Variants in HS3ST4 observed in about 807,000 individuals in gnomAD.
HS3ST4 encodes heparan sulfate-glucosamine 3-sulfotransferase 4.
In HS3ST4, 17 loss-of-function variants were observed where a neutral mutation model predicts 29.2. That is an observed-to-expected ratio of 0.58 (90% CI 0.40 to 0.87). HS3ST4 has a LOEUF of 0.87. Among genes scored for constraint, HS3ST4 ranks in the 40% least tolerant of loss-of-function variants. The probability of loss-of-function intolerance (pLI) is 0.00; values close to 1 mark genes in which losing one functional copy is unlikely to be tolerated. For missense variants in HS3ST4, 627 were observed against 634.5 expected, an observed-to-expected ratio of 0.99 and a Z score of 0.13; for synonymous variants, 314 against 285.7, an observed-to-expected ratio of 1.10 and a Z score of -1.00.
At chr16:25,798,152 C>G (rs944741740) in intron 1 of HS3ST4, among the ~76,000 whole-genome samples, 3 of 152,184 alleles carry the variant, frequency 2.0e-5, no homozygotes, top group Admixed American at 6.5e-5. Context: ...AAGATGCACT[C>G]AGGCCAACTT....
intron 1 of HS3ST4, among the ~76,000 whole-genome samples, chr16:25,924,299 T>G (rs1968382624): frequency 6.6e-6 from 1 of 152,332 alleles, no homozygotes; most frequent in South Asian, 2.1e-4. Context: ...GAATATCTAC[T>G]GATACCACTC....
chr16:25,883,142 A>AGG, intron 1 of HS3ST4, among the ~76,000 whole-genome samples: 1 of 86,656 alleles, frequency 1.2e-5, no homozygotes. Context: ...TCTGGCCCAT[A>AGG]CGATTTTTTT....
chr16:25,717,966 T>C (rs1415716353), intron 1 of HS3ST4, among the ~76,000 whole-genome samples: 2 of 151,998 alleles, frequency 1.3e-5, no homozygotes, highest in Non-Finnish European at 2.9e-5. Flanking sequence ...CTTTGAATGA[T>C]ATTTGGGAGG....
chr16:25,804,145 A>G (rs1040593873), intron 1 of HS3ST4, among the ~76,000 whole-genome samples: 1 of 152,200 alleles, frequency 6.6e-6, no homozygotes, highest in Admixed American at 6.5e-5. Flanking sequence ...AGACGTGAGA[A>G]TTCGATGTGA....
intron 1 of HS3ST4, among the ~76,000 whole-genome samples, chr16:25,876,698 G>A (rs1967836690): frequency 6.6e-6 from 1 of 152,056 alleles, no homozygotes; most frequent in Admixed American, 6.5e-5. Context: ...GTCTCGTAAA[G>A]GAAATTTTTT....
chr16:25,917,405 G>T (rs541837469), intron 1 of HS3ST4, among the ~76,000 whole-genome samples: 1 of 152,194 alleles, frequency 6.6e-6, no homozygotes, highest in East Asian at 1.9e-4. Flanking sequence ...TAGAGATGGG[G>T]TTTCACAACA....
At chr16:25,943,132 A>C (rs535953095) in intron 1 of HS3ST4, among the ~76,000 whole-genome samples, 20 of 152,296 alleles carry the variant, frequency 1.3e-4, no homozygotes, top group African/African-American at 4.3e-4. Context: ...TTATTTTATT[A>C]TTTTATTTTT....
chr16:25,863,122 T>G (rs1340731461), intron 1 of HS3ST4, among the ~76,000 whole-genome samples: 1 of 152,220 alleles, frequency 6.6e-6, no homozygotes, highest in Non-Finnish European at 1.5e-5. Flanking sequence ...TCTAATTGAT[T>G]TGCATATCTT....
chr16:25,833,869 G>C (rs752905128), intron 1 of HS3ST4, among the ~76,000 whole-genome samples: 1 of 152,166 alleles, frequency 6.6e-6, no homozygotes, highest in African/African-American at 2.4e-5. Context: ...GACCTGAATC[G>C]TTTCCATCCC....
intron 1 of HS3ST4, among the ~76,000 whole-genome samples, chr16:25,864,970 A>ATACTCACAC (rs528081199): frequency 0.064 from 9,316 of 145,922 alleles, 447 homozygotes; most frequent in Non-Finnish European, 0.092. Context: ...ATATACACAC[A>ATACTCACAC]TACTCACACA....
chr16:25,783,269 C>T (rs1966854310), intron 1 of HS3ST4, among the ~76,000 whole-genome samples: 1 of 152,172 alleles, frequency 6.6e-6, no homozygotes. Context: ...TGGGACTCCT[C>T]CTCCAAGCCT....
At chr16:25,788,432 CATTACA>C (rs1364814732) in intron 1 of HS3ST4, among the ~76,000 whole-genome samples, 92 of 146,018 alleles carry the variant, frequency 6.3e-4, no homozygotes, top group Non-Finnish European at 1.3e-3. Context: ...AAAAAAATGC[CATTACA>C]ATTCAGTAAG....
intron 1 of HS3ST4, among the ~76,000 whole-genome samples, chr16:26,041,832 C>G (rs185385204): frequency 1.3e-5 from 2 of 152,158 alleles, no homozygotes; most frequent in Non-Finnish European, 2.9e-5. Context: ...TAGGACTGTC[C>G]CAGTCAAACC....
At chr16:25,740,597 T>C (rs979148572) in intron 1 of HS3ST4, among the ~76,000 whole-genome samples, 1 of 152,202 alleles carries the variant, frequency 6.6e-6, no homozygotes, top group Non-Finnish European at 1.5e-5. Flanking sequence ...ATTTAGATTT[T>C]GTGGTGGCTA....
At chr16:26,094,197 A>G (rs966588819) in intron 1 of HS3ST4, among the ~76,000 whole-genome samples, 3 of 152,202 alleles carry the variant, frequency 2.0e-5, no homozygotes, top group African/African-American at 7.2e-5. Context: ...TCTTCAGGAT[A>G]TTATCCAGGA....
intron 1 of HS3ST4, among the ~76,000 whole-genome samples, chr16:25,934,871 G>A (rs12933030): frequency 1.5e-4 from 23 of 151,990 alleles, no homozygotes; most frequent in African/African-American, 3.6e-4. Context: ...CCCTGCCCCC[G>A]CAACCACGCA....
At position 26,065,220 on chromosome 16, in the gene HS3ST4, A is replaced by G. The variant is rs550015170; in HGVS notation, c.735-70392A>G. Reference sequence around the variant, plus strand: ...TCACAATAGCAAAGCCATGGAGTCAACCTGAATGCCCATCAATGATAGACT... The same window carrying G: ...TCACAATAGCAAAGCCATGGAGTCAGCCTGAATGCCCATCAATGATAGACT... On this transcript the variant is annotated intron_variant, in intron 1 of 1. Transcript: ENST00000331351. Among the ~76,000 whole-genome samples, 6 of 152,360 alleles carry G rather than the reference A, an allele frequency of 3.9e-5. No homozygotes were observed. The East Asian group carries it at 1.2e-3, about 29-fold the overall frequency.
chr16:25,913,866 G>T (rs933517255), intron 1 of HS3ST4, among the ~76,000 whole-genome samples: 3 of 147,682 alleles, frequency 2.0e-5, no homozygotes, highest in Non-Finnish European at 3.0e-5. Flanking sequence ...GGTGTGTGTG[G>T]GGGTGTGTGT....
intron 1 of HS3ST4, among the ~76,000 whole-genome samples, chr16:25,921,504 C>T (rs1346838679): frequency 6.6e-6 from 1 of 152,094 alleles, no homozygotes; most frequent in African/African-American, 2.4e-5. Context: ...TGTCTCATTA[C>T]TAGGAGGGGA....
Sources: allele counts gnomAD v4.1 joint callset (sites outside exome capture counted in the v4.1 genomes callset), GRCh38; gene constraint gnomAD v4.1.1; transcripts MANE v1.5; gene names NCBI Gene and HGNC (gene_info 2026-07-23, HGNC 2026-07-21).